PTBP3: variants seen among roughly 807,000 people sequenced by gnomAD.
PTBP3 encodes the protein polypyrimidine tract binding protein 3.
In PTBP3, 20 loss-of-function variants were observed where a neutral mutation model predicts 58.7. That is an observed-to-expected ratio of 0.34 (90% CI 0.24 to 0.50). The LOEUF is 0.50. PTBP3 is among the 20% of genes least tolerant of loss of function. The pLI, the probability that PTBP3 is intolerant of heterozygous loss-of-function variation, is 0.98. For missense variants in PTBP3, 509 were observed against 637.2 expected, an observed-to-expected ratio of 0.80 and a Z score of 2.17; for synonymous variants, 185 against 219.8, an observed-to-expected ratio of 0.84 and a Z score of 1.40.
intron 1 of PTBP3, 124 bp downstream of exon 1, chr9:112,333,346 C>T (rs1360464503): frequency 5.1e-6 from 6 of 1,182,994 alleles, no homozygotes; most frequent in Non-Finnish European, 6.6e-6. Context: ...CGGGCTTGGC[C>T]GGGGCCGCTC....
chr9:112,308,863 T>C (rs1410775479), intron 1 of PTBP3, among the ~76,000 whole-genome samples: 2 of 152,102 alleles, frequency 1.3e-5, no homozygotes, highest in South Asian at 4.1e-4. Context: ...CAGCACACAA[T>C]CAGCTTTACT....
intron 1 of PTBP3, among the ~76,000 whole-genome samples, chr9:112,324,244 A>G (rs2132458376): frequency 6.6e-6 from 1 of 152,340 alleles, no homozygotes. Flanking sequence ...TGGACCTGCG[A>G]AAAGTTTTTT....
chr9:112,354,702 A>G, the PTBP3 span, among the ~76,000 whole-genome samples: 1 of 152,224 alleles, frequency 6.6e-6, no homozygotes, highest in Non-Finnish European at 1.5e-5. Context: ...ATCTTGGTGT[A>G]GCAAAGCAGT....
At chr9:112,366,935 GGGAACTCACTTCTT>G in the PTBP3 span, among the ~76,000 whole-genome samples, 2 of 152,198 alleles carry the variant, frequency 1.3e-5, no homozygotes, top group African/African-American at 4.8e-5. Flanking sequence ...CCAGGACTGT[GGGAACTCACTTCTT>G]GCATCAGCAT....
intron 12 of PTBP3, among the ~76,000 whole-genome samples, chr9:112,226,572 G>A (rs1834998626): frequency 6.6e-6 from 1 of 152,026 alleles, no homozygotes; most frequent in Non-Finnish European, 1.5e-5. Context: ...GTAGACTAAG[G>A]ACTTCAACAA....
the PTBP3 span, among the ~76,000 whole-genome samples, chr9:112,338,790 C>T: frequency 1.1e-3 from 175 of 152,342 alleles, 2 homozygotes; most frequent in South Asian, 0.012. Context: ...CTATGAATCA[C>T]GTCCATTTTT....
In PTBP3 at chr9:112,290,857, C is replaced by T. The variant is rs12551675; in HGVS notation, c.34+6975G>A. ...ATAAGCACCTGCATATCCTAGGACC[C>T]AATAATTCCACTTCTAGACACATAC... On this transcript the variant is annotated intron_variant, in intron 2 of 13. Transcript: ENST00000374257. 3.2e-3 allele frequency among the ~76,000 whole-genome samples: 490 copies of T among 151,802 alleles called. 15 individuals are homozygous for T. The highest frequency in any genetic ancestry group is 0.029 in the Admixed American group (437 of 15,246).
chr9:112,312,588 A>T (rs1217333985), intron 1 of PTBP3, among the ~76,000 whole-genome samples: 17 of 40,792 alleles, frequency 4.2e-4, no homozygotes, highest in African/African-American at 2.7e-3. Context: ...AATCGGGGAA[A>T]TGATAAATGA....
chr9:112,372,295 T>A, the PTBP3 span, among the ~76,000 whole-genome samples: 1 of 152,132 alleles, frequency 6.6e-6, no homozygotes, highest in Non-Finnish European at 1.5e-5. Flanking sequence ...GCCAGGCTGG[T>A]CTTGAACTCC....
At chr9:112,308,096 G>A (rs747137342) in intron 1 of PTBP3, among the ~76,000 whole-genome samples, 1 of 152,142 alleles carries the variant, frequency 6.6e-6, no homozygotes, top group Non-Finnish European at 1.5e-5. Flanking sequence ...CATCACCCAG[G>A]ATGGAGTACA....
chr9:112,279,734 T>A (rs929634601), intron 2 of PTBP3, among the ~76,000 whole-genome samples: 2 of 152,068 alleles, frequency 1.3e-5, no homozygotes, highest in African/African-American at 2.4e-5. Flanking sequence ...TTGGGGAGAA[T>A]TCACATCTTA....
At chr9:112,291,063 A>C (rs1828397798) in intron 2 of PTBP3, among the ~76,000 whole-genome samples, 1 of 152,038 alleles carries the variant, frequency 6.6e-6, no homozygotes, top group Admixed American at 6.5e-5. Context: ...TTCTACTAAA[A>C]ATACAAAAAT....
chr9:112,333,232 G>A (rs939854546), intron 1 of PTBP3, among the ~76,000 whole-genome samples: 2 of 152,184 alleles, frequency 1.3e-5, no homozygotes, highest in Non-Finnish European at 2.9e-5. Flanking sequence ...AGGCTAGGAA[G>A]CAGCGGACGT....
chr9:112,369,010 G>A, the PTBP3 span, among the ~76,000 whole-genome samples: 1 of 152,214 alleles, frequency 6.6e-6, no homozygotes, highest in African/African-American at 2.4e-5. Context: ...GCTTACACGA[G>A]GTCTTGTGCC....
chr9:112,221,278 C>T lies in PTBP3; in HGVS notation c.*2573G>A, dbSNP rs545086433. The T allele has an allele frequency of 4.1e-6, 4 of 984,820 alleles. No homozygotes were observed. In the African/African-American group the frequency reaches 7.0e-5, roughly 17 times the overall value. 61.0% of individuals were successfully genotyped at this position (984,820 alleles called of 1,614,324 possible). On this transcript the variant is annotated 3_prime_UTR_variant, in exon 14 of 14. Coordinates refer to ENST00000374257, the MANE Select transcript of PTBP3 (RefSeq NM_001163788.4). ...ATATACACTTATCTACACACACACA[C>T]ATTCACACACACACACAAACACACC...
chr9:112,362,954 T>C, the PTBP3 span: 1 of 257,934 alleles, frequency 3.9e-6, no homozygotes, highest in Non-Finnish European at 7.8e-6. Context: ...GTACGCATTG[T>C]CAAGGACTTG....
chr9:112,376,171 A>ATATATATATATATATATATATATG, the PTBP3 span, among the ~76,000 whole-genome samples: 1 of 143,656 alleles, frequency 7.0e-6, no homozygotes, highest in African/African-American at 2.6e-5. Context: ...ATATATATAT[A>ATATATATATATATATATATATATG]TATATATCCT....
At chr9:112,328,572 T>C (rs1480237542) in intron 1 of PTBP3, among the ~76,000 whole-genome samples, 1 of 152,226 alleles carries the variant, frequency 6.6e-6, no homozygotes, top group Non-Finnish European at 1.5e-5. Context: ...CAGTGGCTCA[T>C]GCCTGCAATC....
At chr9:112,284,729 C>A (rs866068582) in intron 2 of PTBP3, among the ~76,000 whole-genome samples, 3 of 151,942 alleles carry the variant, frequency 2.0e-5, no homozygotes, top group Middle Eastern at 3.2e-3. Flanking sequence ...AACAAAACAA[C>A]AACAACAAAA....
Sources: allele counts gnomAD v4.1 joint callset (sites outside exome capture counted in the v4.1 genomes callset), GRCh38; gene constraint gnomAD v4.1.1; transcripts MANE v1.5; gene names NCBI Gene and HGNC (gene_info 2026-07-23, HGNC 2026-07-21).